EYS: variants seen among roughly 807,000 people sequenced by gnomAD.
EYS encodes EGF-like photoreceptor maintenance factor.
Under a neutral mutation model 282.1 loss-of-function variants are expected in EYS, and 250 were observed. The observed-to-expected ratio is 0.89, with a 90% CI of 0.80 to 0.98. The LOEUF (loss-of-function observed/expected upper bound fraction) is 0.98. Ranked by LOEUF, EYS falls within the 50% of genes least tolerant of loss-of-function variation. EYS has a pLI of 0.00. For missense variants in EYS, 4,016 were observed against 3,709.0 expected (o/e 1.08, Z -2.15); for synonymous variants, 1,355 against 1,282.9 (o/e 1.06, Z -1.20).
In EYS at chr6:65,301,559, G is replaced by A. The variant is rs564677880; in HGVS notation, c.1767-5440C>T. ...AGCGAGAAGAAAGACGTGGCAGCAAGCGGGAGTCGGGGATAGTGTCATCGG... is the reference window on the plus strand; with the variant it reads ...AGCGAGAAGAAAGACGTGGCAGCAAACGGGAGTCGGGGATAGTGTCATCGG... On this transcript the variant is annotated intron_variant, in intron 11 of 42. Coordinates refer to ENST00000503581, the MANE Select transcript of EYS (RefSeq NM_001142800.2). 3.9e-5 allele frequency among the ~76,000 whole-genome samples: 6 copies of A among 152,358 alleles called. No individual in the cohort carries two copies. In the South Asian group the frequency reaches 1.2e-3, roughly 32 times the overall value.
intron 5 of EYS, among the ~76,000 whole-genome samples, chr6:65,460,167 T>A: frequency 6.8e-6 from 1 of 147,976 alleles, no homozygotes; most frequent in Non-Finnish European, 1.5e-5. Context: ...AAAGAGGAAA[T>A]TATCCAGAGA....
chr6:65,607,643 AG>A (rs1378359958), intron 2 of EYS, among the ~76,000 whole-genome samples: 4 of 151,634 alleles, frequency 2.6e-5, no homozygotes, highest in South Asian at 2.1e-4. Flanking sequence ...TCAAATATGC[AG>A]TTATCTGAGA....
intron 5 of EYS, among the ~76,000 whole-genome samples, chr6:65,433,695 T>C (rs1767963816): frequency 6.6e-6 from 1 of 152,192 alleles, no homozygotes; most frequent in African/African-American, 2.4e-5. Context: ...AATAATTTGA[T>C]AGCTTTATAA....
At chr6:64,232,698 A>G (rs1467544842) in intron 30 of EYS, among the ~76,000 whole-genome samples, 1 of 152,106 alleles carries the variant, frequency 6.6e-6, no homozygotes, top group Non-Finnish European at 1.5e-5. Flanking sequence ...GGCCTGTACC[A>G]CACTACTAAA....
intron 15 of EYS, among the ~76,000 whole-genome samples, chr6:64,913,746 G>A (rs756648981): frequency 6.6e-6 from 1 of 152,260 alleles, no homozygotes; most frequent in African/African-American, 2.4e-5. Flanking sequence ...TTGGTAGAAT[G>A]ACTTCTTTTT....
intron 30 of EYS, among the ~76,000 whole-genome samples, chr6:64,291,120 A>C (rs1227706564): frequency 6.6e-6 from 1 of 151,390 alleles, no homozygotes; most frequent in African/African-American, 2.4e-5. Context: ...CATAATAAGC[A>C]TTTGAAAGAC....
chr6:65,042,066 G>A (rs540083380), intron 13 of EYS, among the ~76,000 whole-genome samples: 4 of 151,528 alleles, frequency 2.6e-5, no homozygotes, highest in Middle Eastern at 3.4e-3. Context: ...TGTATGCATG[G>A]TTCTGCTGCT....
intron 26 of EYS, among the ~76,000 whole-genome samples, chr6:64,473,342 C>T (rs1776172694): frequency 6.6e-6 from 1 of 152,046 alleles, no homozygotes; most frequent in Non-Finnish European, 1.5e-5. Context: ...GAAATATTTA[C>T]TCAATGATGT....
intron 19 of EYS, among the ~76,000 whole-genome samples, chr6:64,827,721 G>C (rs1371560610): frequency 6.6e-6 from 1 of 151,768 alleles, no homozygotes; most frequent in African/African-American, 2.4e-5. Flanking sequence ...CAAAATGAGA[G>C]TTTTGTAAAC....
intron 5 of EYS, among the ~76,000 whole-genome samples, chr6:65,438,716 G>A (rs948557942): frequency 2.0e-5 from 3 of 151,764 alleles, no homozygotes; most frequent in Non-Finnish European, 4.4e-5. Context: ...TTTTTTTCTT[G>A]TAAGTTTGTT....
intron 2 of EYS, among the ~76,000 whole-genome samples, chr6:65,561,540 T>G (rs1225197253): frequency 6.6e-6 from 1 of 152,132 alleles, no homozygotes; most frequent in Non-Finnish European, 1.5e-5. Context: ...TGTGTCTCAT[T>G]TTGCTTTTCC....
chr6:65,261,047 G>A (rs1042066917), intron 12 of EYS, among the ~76,000 whole-genome samples: 4 of 151,902 alleles, frequency 2.6e-5, no homozygotes, highest in Admixed American at 1.3e-4. Context: ...TTTACTTGGG[G>A]GAACTTTGCA....
intron 1 of EYS, among the ~76,000 whole-genome samples, chr6:65,689,658 G>A (rs568145233): frequency 3.0e-4 from 45 of 150,102 alleles, no homozygotes; most frequent in Non-Finnish European, 5.5e-4. Context: ...GCTTCATCCT[G>A]TTTTCAACTT....
chr6:65,005,293 G>A lies in EYS; in HGVS notation c.2138-7590C>T, dbSNP rs935722971. Among the ~76,000 whole-genome samples the A allele has an allele frequency of 7.4e-5, 11 of 147,804 alleles. 3 individuals carry two copies. The highest frequency in any genetic ancestry group is 1.3e-4 in the Admixed American group (2 of 14,886). ...TGCGTTCATCCTAATCGAGCTGAACGCTAGTCACTGGGTTCCACGGTTCTC... is the reference window on the plus strand; with the variant it reads ...TGCGTTCATCCTAATCGAGCTGAACACTAGTCACTGGGTTCCACGGTTCTC... On this transcript the variant is annotated intron_variant, in intron 13 of 42. Transcript: ENST00000503581.
intron 33 of EYS, among the ~76,000 whole-genome samples, chr6:64,047,375 C>T (rs375757784): frequency 2.5e-4 from 38 of 152,054 alleles, no homozygotes; most frequent in Non-Finnish European, 4.3e-4. Flanking sequence ...TATCAACGTG[C>T]GGTAGGGAAA....
At chr6:65,089,693 G>A (rs1213026711) in intron 12 of EYS, among the ~76,000 whole-genome samples, 1 of 152,022 alleles carries the variant, frequency 6.6e-6, no homozygotes, top group Non-Finnish European at 1.5e-5. Flanking sequence ...GCTCATGCCT[G>A]TAATTCCAGC....
intron 31 of EYS, among the ~76,000 whole-genome samples, chr6:64,141,919 T>C (rs893981745): frequency 1.8e-4 from 27 of 152,286 alleles, no homozygotes; most frequent in African/African-American, 6.3e-4. Flanking sequence ...CCAAGGCAAG[T>C]TTTCCCTTCA....
Position 64,626,263 on chromosome 6 carries a change from A to G in EYS, c.3444-18T>C. ...GAAGACATCTAAGGAAAAAAAATGA[A>G]AACGATATTTGTATATATTATACAC... On this transcript the variant is annotated intron_variant, in intron 22 of 42. Transcript: ENST00000503581. The G allele has an allele frequency of 6.6e-7, 1 of 1,518,922 alleles. No homozygotes were observed. The highest frequency in any genetic ancestry group is 8.8e-7 in the Non-Finnish European group (1 of 1,138,060). The allele number at this position is 1,518,922 out of a possible 1,614,324, so 94.1% of individuals were successfully genotyped here. A position where few individuals can be genotyped will look rare whatever the true frequency, so the allele number is the denominator to read the frequency against.
At chr6:65,690,438 C>T (rs1211891642) in intron 1 of EYS, among the ~76,000 whole-genome samples, 1 of 149,742 alleles carries the variant, frequency 6.7e-6, no homozygotes, top group Non-Finnish European at 1.5e-5. Context: ...GGTCGCATTC[C>T]ATTCCCAGAG....
Sources: gnomAD v4.1 joint callset for allele counts (sites outside exome capture counted in the v4.1 genomes callset) on GRCh38, gnomAD v4.1.1 for gene constraint, MANE v1.5 for transcripts, NCBI Gene and HGNC (gene_info 2026-07-23, HGNC 2026-07-21) for gene names.